The following PFKFB4 variants were observed in gnomAD, a reference collection of about 807,000 sequenced individuals.
PFKFB4 encodes the protein 6-phosphofructo-2-kinase/fructose-2,6-bisphosphatase 4.
A neutral mutation model predicts 62.8 loss-of-function variants in PFKFB4; 42 were observed. The observed-to-expected ratio is 0.67, with a 90% confidence interval of 0.52 to 0.86. The LOEUF is 0.86. PFKFB4 is among the 40% of genes least tolerant of loss of function. The pLI, the probability that PFKFB4 is intolerant of heterozygous loss-of-function variation, is 0.00. For synonymous variants in PFKFB4, 204 were observed against 240.7 expected (o/e 0.85, Z 1.41); for missense variants, 475 against 627.2 (o/e 0.76, Z 2.59).
intron 9 of PFKFB4, among the ~76,000 whole-genome samples, chr3:48,527,596 G>C (rs1471357252): frequency 6.6e-6 from 1 of 151,898 alleles, no homozygotes; most frequent in Non-Finnish European, 1.5e-5. Flanking sequence ...GTCTTGAAGA[G>C]ACTGTTAGTA....
intron 4 of PFKFB4, among the ~76,000 whole-genome samples, chr3:48,542,991 G>A (rs1307732582): frequency 1.3e-5 from 2 of 152,156 alleles, no homozygotes; most frequent in Non-Finnish European, 2.9e-5. Flanking sequence ...GAGAGAGAAG[G>A]GCAATGGCTG....
intron 10 of PFKFB4, among the ~76,000 whole-genome samples, chr3:48,524,750 T>C (rs2042203866): frequency 6.6e-6 from 1 of 152,206 alleles, no homozygotes; most frequent in African/African-American, 2.4e-5. Flanking sequence ...GAGGTGCTTC[T>C]ACATGTGTAT....
chr3:48,550,345 A>G, intron 1 of PFKFB4, 111 bp from the exon 2 acceptor site: 2 of 731,206 alleles, frequency 2.7e-6, no homozygotes, highest in Middle Eastern at 2.6e-4. Context: ...CATCAGACGT[A>G]TCTTCTTGGC....
In PFKFB4 at chr3:48,518,266, G is replaced by C. The variant is rs1040113427; in HGVS notation, c.*1481C>G. On this transcript the variant is annotated 3_prime_UTR_variant, in exon 14 of 14. Coordinates refer to ENST00000232375, the MANE Select transcript of PFKFB4 (RefSeq NM_004567.4). The stretch of plus-strand genomic sequence containing the variant: ...AGCAGAGCAGCACACAAGGATGAGA[G>C]ACCACCGGCCAGGGCCAGGGACGCT... 9.8e-5 allele frequency: 15 copies of C among 152,484 alleles called. No homozygotes were observed. Among genetic ancestry groups the C allele is most frequent in the Non-Finnish European group, 1.8e-4 (12 of 68,230 alleles). 9.4% of individuals were successfully genotyped at this position (152,484 alleles called of 1,614,324 possible).
intron 7 of PFKFB4, 134 bp from the exon 8 acceptor site, chr3:48,536,597 C>T (rs1272279684): frequency 1.5e-6 from 1 of 676,928 alleles, no homozygotes; most frequent in Non-Finnish European, 2.5e-6. Context: ...TCAGGACCGT[C>T]AGCTGGTGTG....
At chr3:48,549,657 A>G (rs543224463) in intron 3 of PFKFB4, among the ~76,000 whole-genome samples, 82 of 150,816 alleles carry the variant, frequency 5.4e-4, no homozygotes, top group African/African-American at 1.8e-3. Flanking sequence ...CCCCCACCAC[A>G]TCCTGAGAGA....
chr3:48,552,706 C>T (rs1438562438), intron 1 of PFKFB4, among the ~76,000 whole-genome samples: 1 of 152,202 alleles, frequency 6.6e-6, no homozygotes, highest in Non-Finnish European at 1.5e-5. Context: ...TGGGGCCACC[C>T]CCCAACTGCT....
At chr3:48,523,858 TCAGGCCTGGCTCCGGGGGAGGGA>T in intron 10 of PFKFB4, 28 bp from the exon 11 acceptor site, 1 of 1,607,262 alleles carries the variant, frequency 6.2e-7, no homozygotes, top group Non-Finnish European at 8.5e-7. Flanking sequence ...GAGGGGTCCC[TCAGGCCTGGCTCCGGGGGAGGGA>T]CAGACACATC....
intron 7 of PFKFB4, chr3:48,536,749 T>A (rs1279421032): frequency 7.1e-6 from 3 of 425,016 alleles, no homozygotes; most frequent in Admixed American, 3.7e-5. Context: ...CCATACCACA[T>A]CATGACTTTC....
At chr3:48,542,455 G>A (rs2042830935) in intron 4 of PFKFB4, among the ~76,000 whole-genome samples, 1 of 152,120 alleles carries the variant, frequency 6.6e-6, no homozygotes, top group Admixed American at 6.6e-5. Context: ...ATGGGAGTAG[G>A]GATGGAGTGA....
intron 8 of PFKFB4, among the ~76,000 whole-genome samples, 176 bp from the exon 9 acceptor site, chr3:48,535,834 G>A (rs2042585198): frequency 6.6e-6 from 1 of 152,176 alleles, no homozygotes; most frequent in Non-Finnish European, 1.5e-5. Flanking sequence ...CACAAGTGCT[G>A]TTCCTGTGCA....
In PFKFB4 at chr3:48,556,267, G is replaced by A. The variant is rs1350359058; in HGVS notation, c.97+414C>T. 1 of 480,188 alleles carries A rather than the reference G, an allele frequency of 2.1e-6. No homozygotes were observed. Among genetic ancestry groups the A allele is most frequent in the Non-Finnish European group, 4.1e-6 (1 of 242,856 alleles). The allele number at this position is 480,188 out of a possible 1,614,324, so 29.7% of individuals were successfully genotyped here. On this transcript the variant is annotated intron_variant, in intron 1 of 13. Transcript: ENST00000232375. The surrounding 1 kb of genome is among the most constrained non-coding windows in gnomAD (Gnocchi z 5.7). ...AGAGAGGCCAAGTAATTCACCTAGG[G>A]CCACACAGCTCAGTTCCAGTCCAAC... is the stretch of plus-strand genomic sequence containing the variant.
rs916929447 is a variant in PFKFB4 at position 48,521,897 on chromosome 3, C to T, written c.1350+89G>A. 21 of 1,109,926 alleles carry T rather than the reference C, an allele frequency of 1.9e-5. 1 individual carries two copies. The highest frequency in any genetic ancestry group is 1.2e-4 in the Admixed American group (7 of 58,932). 68.8% of individuals were successfully genotyped at this position (1,109,926 alleles called of 1,614,324 possible). On this transcript the variant is annotated intron_variant, in intron 13 of 13. Coordinates refer to ENST00000232375, the MANE Select transcript of PFKFB4 (RefSeq NM_004567.4). The surrounding 1 kb of genome is among the most constrained non-coding windows in gnomAD (Gnocchi z 5.3). ...GACTCAAGCTCCCTCTGGCAGGTGCCGCAGCTGGGCCTGGCCCTGGAGGAT... is the reference window on the plus strand; with the variant it reads ...GACTCAAGCTCCCTCTGGCAGGTGCTGCAGCTGGGCCTGGCCCTGGAGGAT...
In PFKFB4 at chr3:48,525,681, C is replaced by A. The variant is rs1361523349; in HGVS notation, c.988-12G>T. 6.7e-7 allele frequency: 1 copy of A among 1,494,274 alleles called. No homozygotes were observed. 92.6% of individuals were successfully genotyped at this position (1,494,274 alleles called of 1,614,324 possible). ...TCCTCACAGACGCCCTAGGGAGATACCACAGTCATCACACCTCCTACAGGC... is the reference window on the plus strand; with the variant it reads ...TCCTCACAGACGCCCTAGGGAGATAACACAGTCATCACACCTCCTACAGGC... On this transcript the variant is annotated splice_polypyrimidine_tract_variant and intron_variant, in intron 9 of 13. Transcript: ENST00000232375.
chr3:48,523,838 G>A lies in PFKFB4; in HGVS notation c.1093-8C>T. On this transcript the variant is annotated splice_region_variant and splice_polypyrimidine_tract_variant and intron_variant, in intron 10 of 13. Coordinates refer to ENST00000232375, the MANE Select transcript of PFKFB4 (RefSeq NM_004567.4). The stretch of plus-strand genomic sequence containing the variant: ...GACCAGGTCCTCGTAGGACTGCAAG[G>A]GCAAGCAGAGAGGGGTCCCTCAGGC... The A allele has an allele frequency of 1.2e-6, 2 of 1,612,774 alleles. No individual in the cohort carries two copies. The highest frequency in any genetic ancestry group is 1.7e-6 in the Non-Finnish European group (2 of 1,179,168).
Position 48,556,627 on chromosome 3 carries a change from C to CG in PFKFB4, c.97+53_97+54insC. On this transcript the variant is annotated intron_variant, in intron 1 of 13. Transcript: ENST00000232375. This position sits in a 1 kb window ranked among gnomAD's most constrained non-coding sequence, Gnocchi z 5.7. The stretch of plus-strand genomic sequence containing the variant: ...ATGCGAGACCCCCGCCCAGGCCGCC[C>CG]TACCCACCCATCCCGGTGCACCTCC... 3 of 1,548,294 alleles carry CG rather than the reference C, an allele frequency of 1.9e-6. No individual in the cohort carries two copies. Among genetic ancestry groups the CG allele is most frequent in the Non-Finnish European group, 2.6e-6 (3 of 1,138,112 alleles).
chr3:48,546,626 G>A (rs1268701742), intron 3 of PFKFB4, among the ~76,000 whole-genome samples: 1 of 152,222 alleles, frequency 6.6e-6, no homozygotes, highest in Middle Eastern at 3.2e-3. Context: ...TGTGAGGTTG[G>A]CCCTTGGCCA....
chr3:48,550,413 G>A (rs577495256), intron 1 of PFKFB4, among the ~76,000 whole-genome samples, 179 bp from the exon 2 acceptor site: 2 of 152,234 alleles, frequency 1.3e-5, no homozygotes, highest in South Asian at 2.1e-4. Flanking sequence ...TCAAGCCACC[G>A]TTGGCATGTC....
chr3:48,535,059 T>G (rs962313282), intron 9 of PFKFB4, among the ~76,000 whole-genome samples: 2 of 152,162 alleles, frequency 1.3e-5, no homozygotes, highest in Non-Finnish European at 2.9e-5. Flanking sequence ...TCCGCCCGCC[T>G]CAGCCTCCCA....
Sources: gnomAD v4.1 joint callset for allele counts (sites outside exome capture counted in the v4.1 genomes callset) on GRCh38, gnomAD v4.1.1 for gene constraint, Gnocchi (gnomAD v3.1) non-coding constraint, MANE v1.5 for transcripts, NCBI Gene and HGNC (gene_info 2026-07-23, HGNC 2026-07-21) for gene names.